Variants in RAB38 observed in about 807,000 individuals in gnomAD.
The protein encoded by RAB38 is RAB38, member RAS oncogene family, also known as ras-related protein Rab-38.
RAB38 carries 15 observed loss-of-function variants against 18.4 expected under a neutral mutation model. The ratio of observed to expected loss-of-function variants is 0.82; its 90% CI spans 0.55 to 1.26. The LOEUF is 1.26. RAB38 is among the 50% of genes most tolerant of loss of function. The pLI is 0.00. For synonymous variants in RAB38, 101 were observed against 104.4 expected, an observed-to-expected ratio of 0.97 and a Z score of 0.20; for missense variants, 294 against 267.4, an observed-to-expected ratio of 1.10 and a Z score of -0.69.
At chr11:87,947,525 T>C in the RAB38 span, among the ~76,000 whole-genome samples, 1 of 152,338 alleles carries the variant, frequency 6.6e-6, no homozygotes, top group African/African-American at 2.4e-5. Flanking sequence ...GTTTCAGGTC[T>C]AACATTTAAG....
At position 88,160,284 on chromosome 11, in the gene RAB38, C is replaced by T. The variant is rs999192900; in HGVS notation, c.203-10329G>A. On this transcript the variant is annotated intron_variant, in intron 1 of 2. Coordinates refer to ENST00000243662, the MANE Select transcript of RAB38 (RefSeq NM_022337.3). ...AAAACTACTATTTGATACCATCTCA[C>T]ACCAGTCAGAATGGTTTACCATTTA... 2.4e-4 allele frequency among the ~76,000 whole-genome samples: 37 copies of T among 152,078 alleles called. 1 individual carries two copies. The highest frequency in any genetic ancestry group is 6.5e-4 in the Admixed American group (10 of 15,270).
rs183896042 is a variant in RAB38, at chr11:88,129,466, C to T, written c.484-15326G>A. On this transcript the variant is annotated intron_variant, in intron 2 of 2. Transcript: ENST00000243662. ...GATCAGCCTGGCCAACATGGTGAAA[C>T]CCTGTCTCTACTAAAAATACAAAAA... 6.5e-3 allele frequency among the ~76,000 whole-genome samples: 996 copies of T among 152,150 alleles called. 51 individuals are homozygous for T. Among genetic ancestry groups the T allele is most frequent in the Non-Finnish European group, 1.1e-3 (75 of 68,008 alleles).
At chr11:88,061,486 G>T in the RAB38 span, among the ~76,000 whole-genome samples, 1 of 152,156 alleles carries the variant, frequency 6.6e-6, no homozygotes, top group Non-Finnish European at 1.5e-5. Flanking sequence ...AGATGAAGAC[G>T]TCACTTTGTT....
chr11:87,861,098 G>T, the RAB38 span, among the ~76,000 whole-genome samples: 2 of 152,004 alleles, frequency 1.3e-5, no homozygotes, highest in East Asian at 3.9e-4. Context: ...TGGATAACTT[G>T]TTGTAAGAAG....
chr11:87,953,022 T>C, the RAB38 span, among the ~76,000 whole-genome samples: 1 of 152,138 alleles, frequency 6.6e-6, no homozygotes, highest in Non-Finnish European at 1.5e-5. Flanking sequence ...TTAATAACTT[T>C]TTAAAAATTC....
At chr11:87,967,214 C>A in the RAB38 span, among the ~76,000 whole-genome samples, 1 of 152,132 alleles carries the variant, frequency 6.6e-6, no homozygotes, top group African/African-American at 2.4e-5. Context: ...ATTTGCAGCA[C>A]TTCTAGCTTG....
chr11:87,831,586 C>T, the RAB38 span, among the ~76,000 whole-genome samples: 7 of 152,102 alleles, frequency 4.6e-5, no homozygotes, highest in African/African-American at 1.7e-4. Flanking sequence ...GGATGTATCT[C>T]CATCAGATAG....
the RAB38 span, among the ~76,000 whole-genome samples, chr11:87,892,354 A>G: frequency 6.6e-6 from 1 of 151,916 alleles, no homozygotes; most frequent in East Asian, 2.0e-4. Context: ...AGATCCTTTC[A>G]ATCTCCACTA....
At chr11:87,842,814 GCGCACA>G in the RAB38 span, among the ~76,000 whole-genome samples, 327 of 76,194 alleles carry the variant, frequency 4.3e-3, 3 homozygotes, top group African/African-American at 0.015. Flanking sequence ...ACACACGCGC[GCGCACA>G]CACACACACA....
the RAB38 span, among the ~76,000 whole-genome samples, chr11:87,809,149 T>A: frequency 6.6e-6 from 1 of 152,138 alleles, no homozygotes; most frequent in Admixed American, 6.6e-5. Flanking sequence ...ATGAAGAAAG[T>A]GATCTAATTT....
chr11:87,860,623 A>C, the RAB38 span, among the ~76,000 whole-genome samples: 2 of 151,998 alleles, frequency 1.3e-5, no homozygotes, highest in African/African-American at 4.8e-5. Context: ...AAATAGAAAG[A>C]ATATGGAGTT....
Position 88,114,835 on chromosome 11 carries a change from C to T in RAB38, c.484-695G>A, listed in dbSNP as rs548868808. ...ATCAAGTAGAGGCAAGTATCCCAAT[C>T]AGCCCATGCTATGTAGTGTGCATGA... On this transcript the variant is annotated intron_variant, in intron 2 of 2. Coordinates refer to ENST00000243662, the MANE Select transcript of RAB38 (RefSeq NM_022337.3). 1.3e-4 allele frequency among the ~76,000 whole-genome samples: 20 copies of T among 152,314 alleles called. 1 individual carries two copies. In the South Asian group the frequency reaches 3.7e-3, roughly 28 times the overall value.
At chr11:87,814,383 G>GATTTTC in the RAB38 span, among the ~76,000 whole-genome samples, 1 of 152,180 alleles carries the variant, frequency 6.6e-6, no homozygotes, top group Non-Finnish European at 1.5e-5. Flanking sequence ...CTGATCAAGA[G>GATTTTC]ATTTTCAGTA....
chr11:87,866,146 G>T, the RAB38 span, among the ~76,000 whole-genome samples: 1 of 151,674 alleles, frequency 6.6e-6, no homozygotes, highest in East Asian at 1.9e-4. Flanking sequence ...GGAAGGACAA[G>T]GATAACCAGA....
the RAB38 span, among the ~76,000 whole-genome samples, chr11:88,052,464 A>G: frequency 6.6e-6 from 1 of 152,074 alleles, no homozygotes; most frequent in Non-Finnish European, 1.5e-5. Context: ...TCATATAAAA[A>G]CCACTACAAA....
the RAB38 span, among the ~76,000 whole-genome samples, chr11:87,955,873 G>GCACACACACA: frequency 8.8e-5 from 13 of 148,504 alleles, no homozygotes; most frequent in African/African-American, 2.7e-4. Flanking sequence ...CAAACAGTAT[G>GCACACACACA]CACACACACA....
In RAB38 at chr11:88,173,085, G is replaced by A. The variant is rs1194435242; in HGVS notation, c.202+2098C>T. Among the ~76,000 whole-genome samples, 4 of 152,174 alleles carry A rather than the reference G, an allele frequency of 2.6e-5. No individual in the cohort carries two copies. The East Asian group carries it at 5.8e-4, about 22-fold the overall frequency. ...AAAACATGGCTAACGAAGTGCTTTC[G>A]AGCTTGGGAGTTAAATTGCTCCTGA... On this transcript the variant is annotated intron_variant, in intron 1 of 2. Coordinates refer to ENST00000243662, the MANE Select transcript of RAB38 (RefSeq NM_022337.3).
the RAB38 span, among the ~76,000 whole-genome samples, chr11:87,966,340 G>T: frequency 1.3e-5 from 2 of 152,114 alleles, no homozygotes; most frequent in African/African-American, 4.8e-5. Flanking sequence ...GAGTATTGGT[G>T]CTATATCACT....
the RAB38 span, among the ~76,000 whole-genome samples, chr11:87,852,715 TG>T: frequency 1.8e-4 from 28 of 152,320 alleles, no homozygotes; most frequent in African/African-American, 6.5e-4. Context: ...AGAAATACGA[TG>T]GTTTACATAT....
Sources: gnomAD v4.1 joint callset for allele counts (sites outside exome capture counted in the v4.1 genomes callset) on GRCh38, gnomAD v4.1.1 for gene constraint, MANE v1.5 for transcripts, NCBI Gene and HGNC (gene_info 2026-07-23, HGNC 2026-07-21) for gene names.